The following ELOVL7 variants were observed in gnomAD, a reference collection of about 807,000 sequenced individuals.
The protein encoded by ELOVL7 is ELOVL fatty acid elongase 7.
In ELOVL7, 27 loss-of-function variants were observed where a neutral mutation model predicts 35.7. That is an observed-to-expected ratio of 0.76 (90% CI 0.56 to 1.04). ELOVL7 has a LOEUF of 1.04. Among genes scored for constraint, ELOVL7 ranks in the 50% least tolerant of loss-of-function variants. The pLI is 0.00. For missense variants in ELOVL7, 327 were observed against 340.8 expected, an observed-to-expected ratio of 0.96 and a Z score of 0.32; for synonymous variants, 113 against 114.6, an observed-to-expected ratio of 0.99 and a Z score of 0.09.
At chr5:60,840,157 A>G (rs1294903926) in intron 1 of ELOVL7, among the ~76,000 whole-genome samples, 1 of 152,180 alleles carries the variant, frequency 6.6e-6, no homozygotes, top group Non-Finnish European at 1.5e-5. Flanking sequence ...GCACATTTGA[A>G]AACCCTATGG....
intron 8 of ELOVL7, among the ~76,000 whole-genome samples, chr5:60,756,730 C>T (rs1018822781): frequency 6.6e-6 from 1 of 152,076 alleles, no homozygotes; most frequent in African/African-American, 2.4e-5. Context: ...ATCTTCACCA[C>T]GCCATCTAAA....
At position 60,818,779 on chromosome 5, in the gene ELOVL7, G is replaced by A. The variant is rs914354042; in HGVS notation, c.-85-19549C>T. ...TCCCAGCACTTTGGGAGGCTGAGGCGGGTGGATCACGAGGTCAGGAATTCG... is the reference window on the plus strand; with the variant it reads ...TCCCAGCACTTTGGGAGGCTGAGGCAGGTGGATCACGAGGTCAGGAATTCG... On this transcript the variant is annotated intron_variant, in intron 1 of 8. Transcript: ENST00000508821. Among the ~76,000 whole-genome samples the A allele has an allele frequency of 4.0e-5, 6 of 151,202 alleles. No homozygotes were observed. In the South Asian group the frequency reaches 6.3e-4, roughly 16 times the overall value.
chr5:60,767,359 G>T (rs898458534), intron 5 of ELOVL7, among the ~76,000 whole-genome samples: 1 of 152,098 alleles, frequency 6.6e-6, no homozygotes, highest in African/African-American at 2.4e-5. Flanking sequence ...CTCCCAAAGC[G>T]CTAGGATTAC....
chr5:60,822,657 C>T (rs1459779619), intron 1 of ELOVL7, among the ~76,000 whole-genome samples: 1 of 151,982 alleles, frequency 6.6e-6, no homozygotes, highest in Non-Finnish European at 1.5e-5. Flanking sequence ...GTGATGAAAA[C>T]CACAGTAATA....
Position 60,753,271 on chromosome 5 carries a change from C to G in ELOVL7, c.*1353G>C, listed in dbSNP as rs899520119. On this transcript the variant is annotated 3_prime_UTR_variant, in exon 9 of 9. Coordinates refer to ENST00000508821, the MANE Select transcript of ELOVL7 (RefSeq NM_024930.3). ...CAAATATTATTTCATGGACAAAACT[C>G]TACTGACTAATAGTTTTGATTCTCT... 1 of 152,132 alleles carries G rather than the reference C, an allele frequency of 6.6e-6. No individual in the cohort carries two copies. Among genetic ancestry groups the G allele is most frequent in the East Asian group, 1.9e-4 (1 of 5,192 alleles). The allele number at this position is 152,132 out of a possible 1,614,324, so 9.4% of individuals were successfully genotyped here. A position where few individuals can be genotyped will look rare whatever the true frequency, so the allele number is the denominator to read the frequency against.
chr5:60,771,745 T>C (rs1038693664), intron 4 of ELOVL7, among the ~76,000 whole-genome samples, 158 bp downstream of exon 4: 3 of 152,242 alleles, frequency 2.0e-5, no homozygotes, highest in Non-Finnish European at 4.4e-5. Flanking sequence ...TATTATTTGG[T>C]CTATACCTAA....
At chr5:60,813,060 A>G (rs1424314588) in intron 1 of ELOVL7, among the ~76,000 whole-genome samples, 2 of 152,196 alleles carry the variant, frequency 1.3e-5, no homozygotes, top group African/African-American at 4.8e-5. Flanking sequence ...AAACATTATA[A>G]TTTGGATATT....
chr5:60,768,599 T>C (rs749357129), intron 4 of ELOVL7: 6 of 437,142 alleles, frequency 1.4e-5, no homozygotes, highest in Non-Finnish European at 2.3e-5. Flanking sequence ...GAGCCTATTG[T>C]TGATAAATCT....
At chr5:60,809,663 G>T (rs1030084427) in intron 1 of ELOVL7, among the ~76,000 whole-genome samples, 2 of 152,190 alleles carry the variant, frequency 1.3e-5, no homozygotes, top group Admixed American at 1.3e-4. Flanking sequence ...AAGAAAAGTT[G>T]GTGGAAGAGG....
intron 1 of ELOVL7, among the ~76,000 whole-genome samples, chr5:60,809,662 T>C (rs1415468056): frequency 6.6e-6 from 1 of 152,214 alleles, no homozygotes; most frequent in African/African-American, 2.4e-5. Flanking sequence ...CAAGAAAAGT[T>C]GGTGGAAGAG....
At chr5:60,805,955 C>T (rs1187887805) in intron 1 of ELOVL7, among the ~76,000 whole-genome samples, 2 of 152,164 alleles carry the variant, frequency 1.3e-5, no homozygotes, top group African/African-American at 4.8e-5. Flanking sequence ...CTGTGTCTTC[C>T]CAACATTGTA....
chr5:60,816,143 G>A (rs1345037488), intron 1 of ELOVL7, among the ~76,000 whole-genome samples: 1 of 152,182 alleles, frequency 6.6e-6, no homozygotes, highest in Non-Finnish European at 1.5e-5. Flanking sequence ...ACTTTGGGAG[G>A]CCAAGGCAGC....
intron 1 of ELOVL7, among the ~76,000 whole-genome samples, chr5:60,807,145 G>C (rs1744976396): frequency 6.6e-6 from 1 of 151,944 alleles, no homozygotes; most frequent in African/African-American, 2.4e-5. Context: ...GAAGCAAACA[G>C]ACTAACAATC....
chr5:60,829,473 C>T (rs1440362275), intron 1 of ELOVL7, among the ~76,000 whole-genome samples: 1 of 152,068 alleles, frequency 6.6e-6, no homozygotes, highest in Admixed American at 6.5e-5. Context: ...AAGATTTTTG[C>T]ATGTCAAGTA....
At position 60,813,851 on chromosome 5, in the gene ELOVL7, A is replaced by G. The variant is rs139750416; in HGVS notation, c.-85-14621T>C. On this transcript the variant is annotated intron_variant, in intron 1 of 8. Coordinates refer to ENST00000508821, the MANE Select transcript of ELOVL7 (RefSeq NM_024930.3). ...TCTTAGATAGTTAGCTGTCAGGCAA[A>G]CACACTGAAACAATCATCAAATTAT... is the stretch of plus-strand genomic sequence containing the variant. Among the ~76,000 whole-genome samples, 147 of 152,288 alleles carry G rather than the reference A, an allele frequency of 9.7e-4. 2 individuals carry two copies. Among genetic ancestry groups the G allele is most frequent in the Non-Finnish European group, 1.5e-3 (101 of 68,010 alleles).
chr5:60,829,859 T>C (rs947904120), intron 1 of ELOVL7, among the ~76,000 whole-genome samples: 1 of 152,262 alleles, frequency 6.6e-6, no homozygotes, highest in Non-Finnish European at 1.5e-5. Context: ...GCTACTGATA[T>C]ATAGTTATAC....
intron 1 of ELOVL7, among the ~76,000 whole-genome samples, chr5:60,808,325 C>A (rs933086328): frequency 2.0e-5 from 3 of 152,078 alleles, no homozygotes; most frequent in African/African-American, 2.4e-5. Flanking sequence ...TTCCTACTGA[C>A]TTTATAGACA....
intron 1 of ELOVL7, among the ~76,000 whole-genome samples, chr5:60,822,267 G>T (rs1362645159): frequency 6.6e-6 from 1 of 152,192 alleles, no homozygotes; most frequent in Non-Finnish European, 1.5e-5. Flanking sequence ...ATAGGCAATA[G>T]GAAGCGCTGA....
chr5:60,787,426 T>C lies in ELOVL7; in HGVS notation c.-29A>G, dbSNP rs753292059. ...CCACAGGATTTACTGGCTCTTTTAA[T>C]GGGTTCTTCAGTAAAATAAAACAGA... On this transcript the variant is annotated 5_prime_UTR_variant, in exon 3 of 9. Coordinates refer to ENST00000508821, the MANE Select transcript of ELOVL7 (RefSeq NM_024930.3). The C allele has an allele frequency of 1.6e-5, 24 of 1,538,070 alleles. No individual in the cohort carries two copies. The highest frequency in any genetic ancestry group is 1.7e-4 in the Middle Eastern group (1 of 5,906).
Sources: allele counts gnomAD v4.1 joint callset (sites outside exome capture counted in the v4.1 genomes callset), GRCh38; gene constraint gnomAD v4.1.1; transcripts MANE v1.5; gene names NCBI Gene and HGNC (gene_info 2026-07-23, HGNC 2026-07-21).